LRRTM4: variants seen among roughly 807,000 people sequenced by gnomAD.
LRRTM4 encodes the protein leucine rich repeat transmembrane neuronal 4.
In LRRTM4, 25 loss-of-function variants were observed where a neutral mutation model predicts 47.6. That is an observed-to-expected ratio of 0.53 (90% CI 0.38 to 0.73). The LOEUF is 0.73. LRRTM4 is among the 30% of genes least tolerant of loss of function. LRRTM4 has a pLI of 0.00. For synonymous variants in LRRTM4, 311 were observed against 269.5 expected (o/e 1.15, Z -1.51); for missense variants, 638 against 713.4 (o/e 0.89, Z 1.20).
At chr2:77,358,675 C>G (rs1331410361) in intron 3 of LRRTM4, among the ~76,000 whole-genome samples, 1 of 152,190 alleles carries the variant, frequency 6.6e-6, no homozygotes, top group African/African-American at 2.4e-5. Context: ...AAATTTCATT[C>G]ATGAGAGACA....
At chr2:76,776,532 GT>G (rs1239364701) in intron 3 of LRRTM4, among the ~76,000 whole-genome samples, 1 of 151,994 alleles carries the variant, frequency 6.6e-6, no homozygotes, top group Non-Finnish European at 1.5e-5. Flanking sequence ...TTTTTCATGT[GT>G]TTTTTGGCTG....
intron 3 of LRRTM4, among the ~76,000 whole-genome samples, chr2:77,285,201 A>G (rs1312049466): frequency 6.6e-6 from 1 of 151,500 alleles, no homozygotes; most frequent in Non-Finnish European, 1.5e-5. Context: ...CCTATTTGAG[A>G]GCATTTCGGC....
chr2:77,010,522 ACACACACACACAC>A (rs1677833628), intron 3 of LRRTM4, among the ~76,000 whole-genome samples: 1 of 151,020 alleles, frequency 6.6e-6, no homozygotes, highest in African/African-American at 2.4e-5. Flanking sequence ...ACACACACAC[ACACACACACACAC>A]ACACACACAC....
chr2:77,201,955 C>A (rs1488626490), intron 3 of LRRTM4, among the ~76,000 whole-genome samples: 1 of 152,070 alleles, frequency 6.6e-6, no homozygotes, highest in Admixed American at 6.6e-5. Flanking sequence ...ACTTTTGCAA[C>A]TAAAAGATGA....
chr2:77,205,949 C>A (rs1674113054), intron 3 of LRRTM4, among the ~76,000 whole-genome samples: 8 of 151,968 alleles, frequency 5.3e-5, no homozygotes, highest in Admixed American at 5.2e-4. Flanking sequence ...GATCCTCCCA[C>A]CTCAGCCTCC....
At chr2:77,295,310 T>C (rs1676939502) in intron 3 of LRRTM4, among the ~76,000 whole-genome samples, 2 of 152,162 alleles carry the variant, frequency 1.3e-5, no homozygotes, top group African/African-American at 4.8e-5. Context: ...TAAGATTCCT[T>C]TTTTGATCAG....
intron 3 of LRRTM4, among the ~76,000 whole-genome samples, chr2:76,853,567 TA>T (rs1222215498): frequency 6.6e-6 from 1 of 152,078 alleles, no homozygotes; most frequent in Non-Finnish European, 1.5e-5. Context: ...GATGCCCATA[TA>T]TGTATTTAAA....
At chr2:76,858,487 T>C (rs560637184) in intron 3 of LRRTM4, among the ~76,000 whole-genome samples, 44 of 152,266 alleles carry the variant, frequency 2.9e-4, no homozygotes, top group Admixed American at 1.9e-3. Flanking sequence ...TCAGCTCTCC[T>C]AGGTCCTCGG....
At position 76,819,837 on chromosome 2, in the gene LRRTM4, A is replaced by G. The variant is rs1671004362; in HGVS notation, c.1552-70921T>C. On this transcript the variant is annotated intron_variant, in intron 3 of 3. Transcript: ENST00000409884. ...TCCTTCCTCAAGTTTTAACAGCCCT[A>G]TTGTGAAAGGTGAAACCACCTACTT... is the stretch of plus-strand genomic sequence containing the variant. Among the ~76,000 whole-genome samples, 4 of 151,904 alleles carry G rather than the reference A, an allele frequency of 2.6e-5. No homozygotes were observed. In the South Asian group the frequency reaches 6.2e-4, roughly 24 times the overall value.
chr2:77,027,461 TA>T (rs1208478727), intron 3 of LRRTM4, among the ~76,000 whole-genome samples: 3 of 152,182 alleles, frequency 2.0e-5, no homozygotes, highest in Non-Finnish European at 2.9e-5. Flanking sequence ...AAAATTCTCC[TA>T]ATCTCAATAG....
intron 3 of LRRTM4, among the ~76,000 whole-genome samples, chr2:77,228,741 CAGG>C (rs1370393768): frequency 6.6e-6 from 1 of 152,198 alleles, no homozygotes; most frequent in Non-Finnish European, 1.5e-5. Context: ...TTGTTCATAT[CAGG>C]AGAAGAGCTA....
At chr2:76,868,254 C>T (rs537922458) in intron 3 of LRRTM4, among the ~76,000 whole-genome samples, 2 of 152,078 alleles carry the variant, frequency 1.3e-5, no homozygotes, top group Non-Finnish European at 2.9e-5. Context: ...ATTAATTTTT[C>T]TTGTTTGGTA....
chr2:76,929,769 A>G (rs1674707948), intron 3 of LRRTM4, among the ~76,000 whole-genome samples: 1 of 152,174 alleles, frequency 6.6e-6, no homozygotes, highest in African/African-American at 2.4e-5. Flanking sequence ...TCCTAGCATC[A>G]GTGATCTGAT....
At chr2:77,177,036 C>T (rs1198705307) in intron 3 of LRRTM4, among the ~76,000 whole-genome samples, 1 of 152,194 alleles carries the variant, frequency 6.6e-6, no homozygotes, top group Non-Finnish European at 1.5e-5. Flanking sequence ...TTCCCTACCC[C>T]TTTCCTAAGA....
intron 3 of LRRTM4, among the ~76,000 whole-genome samples, chr2:77,301,813 A>C (rs1189650438): frequency 3.9e-5 from 6 of 152,136 alleles, no homozygotes; most frequent in African/African-American, 9.7e-5. Flanking sequence ...TGGGCTGTGG[A>C]GAGATTTCCA....
chr2:76,971,120 G>A (rs1676202495), intron 3 of LRRTM4, among the ~76,000 whole-genome samples: 1 of 151,980 alleles, frequency 6.6e-6, no homozygotes, highest in Non-Finnish European at 1.5e-5. Flanking sequence ...TGATGCTAGT[G>A]GAGGGGACAG....
intron 3 of LRRTM4, among the ~76,000 whole-genome samples, chr2:76,824,016 T>C (rs534019933): frequency 2.7e-5 from 4 of 149,902 alleles, no homozygotes; most frequent in East Asian, 3.9e-4. Context: ...TGTGCTCACA[T>C]GTGTCCTGTC....
intron 3 of LRRTM4, among the ~76,000 whole-genome samples, chr2:77,418,745 T>A (rs1443476472): frequency 6.6e-6 from 1 of 152,204 alleles, no homozygotes; most frequent in Non-Finnish European, 1.5e-5. Context: ...GCCTGAGTTG[T>A]TTTTCTCCTG....
chr2:77,123,478 T>C (rs1671572207), intron 3 of LRRTM4, among the ~76,000 whole-genome samples: 1 of 152,108 alleles, frequency 6.6e-6, no homozygotes, highest in African/African-American at 2.4e-5. Flanking sequence ...AACTGTATTT[T>C]TGTGGGACTA....
Sources: allele counts gnomAD v4.1 joint callset (sites outside exome capture counted in the v4.1 genomes callset), GRCh38; gene constraint gnomAD v4.1.1; transcripts MANE v1.5; gene names NCBI Gene and HGNC (gene_info 2026-07-23, HGNC 2026-07-21).